The following LIMK2 variants were observed in gnomAD, a reference collection of about 807,000 sequenced individuals.
LIMK2 encodes the protein LIM domain kinase 2.
In LIMK2, 35 loss-of-function variants were observed where a neutral mutation model predicts 75.7. The ratio of observed to expected loss-of-function variants is 0.46; its 90% CI spans 0.35 to 0.61. The LOEUF is 0.61. Ranked by LOEUF, LIMK2 falls within the 20% of genes least tolerant of loss-of-function variation. The probability of loss-of-function intolerance (pLI) is 0.00; values close to 1 mark genes in which losing one functional copy is unlikely to be tolerated. For missense variants in LIMK2, 623 were observed against 831.0 expected (o/e 0.75, Z 3.08); for synonymous variants, 301 against 319.2 (o/e 0.94, Z 0.61).
intron 2 of LIMK2, among the ~76,000 whole-genome samples, chr22:31,238,163 C>G (rs559284346): frequency 6.7e-6 from 1 of 149,724 alleles, no homozygotes; most frequent in Admixed American, 6.6e-5. Context: ...AAGTGGCCAG[C>G]AATGAAACAG....
At chr22:31,233,038 A>T (rs1287197776) in intron 2 of LIMK2, among the ~76,000 whole-genome samples, 2 of 152,204 alleles carry the variant, frequency 1.3e-5, no homozygotes, top group Non-Finnish European at 2.9e-5. Context: ...TAACAGCTTC[A>T]TCAGTCTGTC....
chr22:31,254,621 C>T (rs1298731601), intron 2 of LIMK2, among the ~76,000 whole-genome samples: 1 of 152,208 alleles, frequency 6.6e-6, no homozygotes, highest in Admixed American at 6.5e-5. Context: ...CTCCTACTGC[C>T]AGCCCTCTGT....
chr22:31,276,875 A>G (rs2049031674), intron 15 of LIMK2: 4 of 1,612,388 alleles, frequency 2.5e-6, no homozygotes, highest in Non-Finnish European at 3.4e-6. Flanking sequence ...ACCATCAAGT[A>G]TGACCCCAAG....
Position 31,225,949 on chromosome 22 carries a change from C to G in LIMK2, c.116+130C>G, listed in dbSNP as rs1481257550. On this transcript the variant is annotated intron_variant, in intron 2 of 15. Coordinates refer to ENST00000331728, the MANE Select transcript of LIMK2 (RefSeq NM_005569.4). ...ATCTTAGGGTGGGGAAAGGAATGTA[C>G]CAAGGAAGAGCTCATGACCAAACCT... 2.7e-5 allele frequency: 20 copies of G among 735,732 alleles called. No homozygotes were observed. In the East Asian group the frequency reaches 5.7e-4, roughly 21 times the overall value. 45.6% of individuals were successfully genotyped at this position (735,732 alleles called of 1,614,324 possible).
At chr22:31,224,343 A>G (rs138552584) in intron 1 of LIMK2, among the ~76,000 whole-genome samples, 151 of 152,240 alleles carry the variant, frequency 9.9e-4, no homozygotes, top group African/African-American at 3.6e-3. Context: ...AGTCTTCCCT[A>G]TCTTGCAAGG....
intron 11 of LIMK2, among the ~76,000 whole-genome samples, chr22:31,269,878 T>G (rs919914070): frequency 2.0e-5 from 3 of 151,526 alleles, no homozygotes; most frequent in Non-Finnish European, 4.4e-5. Flanking sequence ...ACATTTCAAA[T>G]TTCTGAATTA....
chr22:31,247,768 A>C (rs1335225870), intron 2 of LIMK2, among the ~76,000 whole-genome samples: 1 of 152,216 alleles, frequency 6.6e-6, no homozygotes, highest in African/African-American at 2.4e-5. Flanking sequence ...AAAAGAGTGC[A>C]TATAGTGTTT....
At chr22:31,277,100 T>C in intron 15 of LIMK2, 1 of 1,613,684 alleles carries the variant, frequency 6.2e-7, no homozygotes, top group Non-Finnish European at 8.5e-7. Context: ...CTGGACAAGA[T>C]CCGGGCCATG....
chr22:31,273,433 C>G lies in LIMK2; in HGVS notation c.1559-19C>G, dbSNP rs200112915. 1.2e-6 allele frequency: 2 copies of G among 1,610,124 alleles called. No individual in the cohort carries two copies. The highest frequency in any genetic ancestry group is 2.7e-5 in the African/African-American group (2 of 74,848). ...TAAGGGATGTAAACTTAACAGTGTG[C>G]TCTCCTGTGTTCCCCAAGGAAAGAG... On this transcript the variant is annotated intron_variant, in intron 13 of 15. Coordinates refer to ENST00000331728, the MANE Select transcript of LIMK2 (RefSeq NM_005569.4).
intron 2 of LIMK2, among the ~76,000 whole-genome samples, chr22:31,233,822 A>G (rs1329650538): frequency 6.6e-6 from 1 of 152,160 alleles, no homozygotes; most frequent in East Asian, 1.9e-4. Flanking sequence ...CTCATCCTGC[A>G]TATCCAAGCC....
intron 3 of LIMK2, chr22:31,258,657 C>T: frequency 2.0e-6 from 1 of 510,686 alleles, no homozygotes; most frequent in Non-Finnish European, 3.5e-6. Context: ...GAGAGGCAGG[C>T]AGAGAGGAGA....
rs1426436701 is a variant in LIMK2 at position 31,245,524 on chromosome 22, A to G, written c.117-12767A>G. Reference sequence around the variant, plus strand: ...TCCATGTTGGTCAGGCTAGTCTCGAACTTCCAACCTCAGGTGATCTGCCCG... The same window carrying G: ...TCCATGTTGGTCAGGCTAGTCTCGAGCTTCCAACCTCAGGTGATCTGCCCG... On this transcript the variant is annotated intron_variant, in intron 2 of 15. Coordinates refer to ENST00000331728, the MANE Select transcript of LIMK2 (RefSeq NM_005569.4). 6.6e-5 allele frequency among the ~76,000 whole-genome samples: 10 copies of G among 152,190 alleles called. No homozygotes were observed. In the East Asian group the frequency reaches 1.9e-3, roughly 29 times the overall value.
chr22:31,273,004 G>A, intron 13 of LIMK2: 2 of 1,178,854 alleles, frequency 1.7e-6, no homozygotes, highest in African/African-American at 1.6e-5. Flanking sequence ...TCCATGGTGA[G>A]AACTGAAGTG....
intron 2 of LIMK2, 55 bp from the exon 3 acceptor site, chr22:31,258,236 A>G (rs2123833650): frequency 2.0e-6 from 3 of 1,533,734 alleles, no homozygotes; most frequent in Non-Finnish European, 2.6e-6. Flanking sequence ...GGGACAGCTT[A>G]TGTGGCCTGG....
intron 2 of LIMK2, among the ~76,000 whole-genome samples, chr22:31,232,653 A>G (rs544995905): frequency 6.6e-6 from 1 of 152,306 alleles, no homozygotes; most frequent in South Asian, 2.1e-4. Flanking sequence ...TCTATTGCCC[A>G]GGCTGGAGTG....
At chr22:31,254,344 A>G (rs962515435) in intron 2 of LIMK2, among the ~76,000 whole-genome samples, 4 of 152,274 alleles carry the variant, frequency 2.6e-5, no homozygotes, top group African/African-American at 9.6e-5. Flanking sequence ...GTCTGCACAC[A>G]GAAGAAAAGA....
At chr22:31,241,904 T>C (rs1305017441) in intron 2 of LIMK2, among the ~76,000 whole-genome samples, 4 of 152,126 alleles carry the variant, frequency 2.6e-5, no homozygotes, top group African/African-American at 9.7e-5. Flanking sequence ...CCCAGAGATG[T>C]TAAATAATTT....
At chr22:31,219,267 A>G (rs1179718932) in intron 1 of LIMK2, among the ~76,000 whole-genome samples, 2 of 151,808 alleles carry the variant, frequency 1.3e-5, no homozygotes, top group Non-Finnish European at 2.9e-5. Context: ...GTGGATTCAC[A>G]TTTGTTTGAG....
intron 1 of LIMK2, among the ~76,000 whole-genome samples, chr22:31,223,267 C>A (rs2048451910): frequency 6.6e-6 from 1 of 152,044 alleles, no homozygotes; most frequent in Admixed American, 6.6e-5. Flanking sequence ...GATTGAATGT[C>A]TTTGGGTTTC....
Sources: gnomAD v4.1 joint callset for allele counts (sites outside exome capture counted in the v4.1 genomes callset) on GRCh38, gnomAD v4.1.1 for gene constraint, MANE v1.5 for transcripts, NCBI Gene and HGNC (gene_info 2026-07-23, HGNC 2026-07-21) for gene names.